HECTD4: variants seen among roughly 807,000 people sequenced by gnomAD.
HECTD4 encodes the protein HECT domain E3 ubiquitin protein ligase 4, also known as probable E3 ubiquitin-protein ligase HECTD4.
In HECTD4, 114 loss-of-function variants were observed where a neutral mutation model predicts 471.5. That is an observed-to-expected ratio of 0.24 (90% CI 0.21 to 0.28). The LOEUF is 0.28. Among genes scored for constraint, HECTD4 ranks in the 10% least tolerant of loss-of-function variants. The pLI is 1.00. For missense variants in HECTD4, 3,866 were observed against 5,651.5 expected (o/e 0.68, Z 10.13); for synonymous variants, 2,012 against 2,256.0 (o/e 0.89, Z 3.07).
At chr12:112,347,912 A>G (rs770527717) in intron 1 of HECTD4, among the ~76,000 whole-genome samples, 5 of 152,232 alleles carry the variant, frequency 3.3e-5, no homozygotes, top group Non-Finnish European at 7.3e-5. Flanking sequence ...GTAACAGGAC[A>G]ATATACAGAA....
rs144635545 is a variant in HECTD4, at chr12:112,310,351, A to G, written c.917-682T>C. Among the ~76,000 whole-genome samples the G allele has an allele frequency of 7.9e-5, 12 of 152,360 alleles. No individual in the cohort carries two copies. The East Asian group carries it at 1.7e-3, about 22-fold the overall frequency. On this transcript the variant is annotated intron_variant, in intron 4 of 75. Transcript: ENST00000682272. Reference sequence around the variant, plus strand: ...TTAGTCTCTGGAGGGACAAAGCACAAAAGTTTCATATCTTTTCTATTTTAA... The same window carrying G: ...TTAGTCTCTGGAGGGACAAAGCACAGAAGTTTCATATCTTTTCTATTTTAA...
chr12:112,201,052 C>G (rs2032414412), intron 54 of HECTD4: 1 of 549,970 alleles, frequency 1.8e-6, no homozygotes, highest in Admixed American at 2.3e-5. Flanking sequence ...ATGTGCTTTT[C>G]TAAGAAAATA....
Position 112,217,206 on chromosome 12 carries a change from G to A in HECTD4, c.7075-11C>T. On this transcript the variant is annotated splice_polypyrimidine_tract_variant and intron_variant, in intron 45 of 75. Transcript: ENST00000682272. ...AGTAATCTCTTTGGGCTGCATCAGG[G>A]AGAAAAACCCATATTCAGTAGAACT... 6.7e-7 allele frequency: 1 copy of A among 1,493,824 alleles called. No homozygotes were observed. Among genetic ancestry groups the A allele is most frequent in the Non-Finnish European group, 8.9e-7 (1 of 1,121,090 alleles). The allele number at this position is 1,493,824 out of a possible 1,614,324, so 92.5% of individuals were successfully genotyped here. A position where few individuals can be genotyped will look rare whatever the true frequency, so the allele number is the denominator to read the frequency against.
chr12:112,369,635 C>T (rs1235757236), intron 1 of HECTD4, among the ~76,000 whole-genome samples: 1 of 152,100 alleles, frequency 6.6e-6, no homozygotes, highest in African/African-American at 2.4e-5. Flanking sequence ...TGAGCCACCT[C>T]ACCCAGCCAA....
chr12:112,352,800 T>C (rs1476704418), intron 1 of HECTD4, among the ~76,000 whole-genome samples: 2 of 151,594 alleles, frequency 1.3e-5, no homozygotes. Context: ...AGAGACAGAG[T>C]CTCGCTATGT....
At position 112,264,114 on chromosome 12, in the gene HECTD4, G is replaced by C. The variant is rs777056333; in HGVS notation, c.2718C>G (p.Ser906Arg). 1 of 1,610,060 alleles carries C rather than the reference G, an allele frequency of 6.2e-7. No individual in the cohort carries two copies. Among genetic ancestry groups the C allele is most frequent in the Non-Finnish European group, 8.5e-7 (1 of 1,178,182 alleles). Reference protein sequence around the residue: ...IKPDENDDSDSSLQGETLKVQ... With the variant: ...IKPDENDDSDRSLQGETLKVQ... The stretch of plus-strand genomic sequence containing the variant: ...CCTTCAATGTCTCTCCCTGCAAGGA[G>C]CTGTCACTGTCATCATTCTCATCAG... The change falls in exon 17 of 76, where the codon AGC becomes AGG. Residue 906 changes from serine (S) to arginine (R), a missense_variant. Around this residue, in one of 16 missense-constraint regions of HECTD4, gnomAD observed 525 missense variants for 672.6 expected, o/e 0.78. Transcript: ENST00000682272.
At chr12:112,200,864 CGTGT>C (rs748581302) in intron 54 of HECTD4, 66 bp from the exon 55 acceptor site, 32,450 of 1,393,828 alleles carry the variant, frequency 0.023, 508 homozygotes, top group African/African-American at 0.047. Context: ...TGCGTGCGTG[CGTGT>C]GTGTGTGCGT....
In HECTD4 at chr12:112,319,553, T is replaced by C. The variant is rs1352372968; in HGVS notation, c.367A>G (p.Thr123Ala). 6.3e-6 allele frequency: 9 copies of C among 1,439,406 alleles called. No individual in the cohort carries two copies. The highest frequency in any genetic ancestry group is 8.2e-6 in the Non-Finnish European group (9 of 1,102,188). The allele number at this position is 1,439,406 out of a possible 1,614,324, so 89.2% of individuals were successfully genotyped here. A position where few individuals can be genotyped will look rare whatever the true frequency, so the allele number is the denominator to read the frequency against. ...HERESSGDEETLALLKRQGLL... is the reference protein window; with the variant it reads ...HERESSGDEEALALLKRQGLL... ...CCCTGGCGTTTGAGCAGGGCCAAAG[T>C]TTCCTCATCACCTGAACTTTCCCTT... Residue 123 changes from threonine (T) to alanine (A), a missense_variant, in exon 2 of 76, where the codon ACT becomes GCT. This residue lies in a region of HECTD4 where 440 missense variants were observed against 636.0 expected (regional missense o/e 0.69). Transcript: ENST00000682272. The surrounding 1 kb of genome is among the most constrained non-coding windows in gnomAD (Gnocchi z 5.3).
chr12:112,309,512 G>A lies in HECTD4; in HGVS notation c.1025+49C>T, dbSNP rs1420161566. On this transcript the variant is annotated intron_variant, in intron 5 of 75. Transcript: ENST00000682272. The stretch of plus-strand genomic sequence containing the variant: ...GTGTCTTCTTCAGAGATTTATGTAA[G>A]GAGGATAATGTTCTAGCCCAATCAT... The A allele has an allele frequency of 1.1e-5, 9 of 794,496 alleles. No homozygotes were observed. The East Asian group carries it at 2.4e-4, about 21-fold the overall frequency. The allele number at this position is 794,496 out of a possible 1,614,324, so 49.2% of individuals were successfully genotyped here.
intron 8 of HECTD4, among the ~76,000 whole-genome samples, chr12:112,279,741 T>C (rs2034595670): frequency 6.6e-6 from 1 of 152,160 alleles, no homozygotes; most frequent in African/African-American, 2.4e-5. Flanking sequence ...GTGTTTCCCC[T>C]AGAAAACTGA....
Position 112,179,259 on chromosome 12 carries a change from T to G in HECTD4, c.11126A>C (p.Asn3709Thr). The G allele has an allele frequency of 6.2e-7, 1 of 1,613,548 alleles. No homozygotes were observed. The highest frequency in any genetic ancestry group is 8.5e-7 in the Non-Finnish European group (1 of 1,179,738). The change falls in exon 63 of 76, where the codon AAC (asparagine) becomes ACC (threonine). Residue 3709 changes from asparagine (N) to threonine (T), a missense_variant. Asn to Thr is a moderately conservative substitution (Grantham distance 65, BLOSUM62 0). Coordinates refer to ENST00000682272, the MANE Select transcript of HECTD4 (RefSeq NM_001388303.1). The surrounding 1 kb of genome is among the most constrained non-coding windows in gnomAD (Gnocchi z 4.3). ...SDIYLSKEQI[N>T]SQTPGNLLHL... Reference sequence around the variant, plus strand: ...GAGGAGGTTGCCTGGGGTCTGGGAGTTGATCTGCTCTTTGCTAAGATAAAT... The same window carrying G: ...GAGGAGGTTGCCTGGGGTCTGGGAGGTGATCTGCTCTTTGCTAAGATAAAT...
intron 29 of HECTD4, among the ~76,000 whole-genome samples, chr12:112,246,366 G>C (rs2033761381): frequency 6.6e-6 from 1 of 152,070 alleles, no homozygotes; most frequent in Non-Finnish European, 1.5e-5. Context: ...GGGCGCAGTG[G>C]CTCACACCTG....
intron 4 of HECTD4, among the ~76,000 whole-genome samples, chr12:112,312,060 G>A (rs1378103950): frequency 6.6e-6 from 1 of 152,138 alleles, no homozygotes; most frequent in Non-Finnish European, 1.5e-5. Context: ...ATTCTCCTCC[G>A]TGCTGGTGGG....
At position 112,235,630 on chromosome 12, in the gene HECTD4, T is replaced by C. The variant is rs1373096658; in HGVS notation, c.5599A>G (p.Asn1867Asp). The C allele has an allele frequency of 6.2e-7, 1 of 1,614,012 alleles. No homozygotes were observed. The highest frequency in any genetic ancestry group is 1.3e-5 in the African/African-American group (1 of 75,046). ...LPLMSVEDCG[N>D]VELPPWSYSV... The stretch of plus-strand genomic sequence containing the variant: ...TAGCTCCAGGGTGGGAGCTCCACGT[T>C]TCCACAGTCTTCTACGCTCATCAGG... The change falls in exon 36 of 76, where the codon AAC (asparagine) becomes GAC (aspartate). Residue 1867 changes from asparagine to aspartate, a missense_variant. This residue lies in a region of HECTD4 where 617 missense variants were observed against 915.1 expected (regional missense o/e 0.67). Transcript: ENST00000682272. The surrounding 1 kb of genome is among the most constrained non-coding windows in gnomAD (Gnocchi z 5.0).
chr12:112,200,196 C>T (rs1165215504), intron 55 of HECTD4, among the ~76,000 whole-genome samples: 3 of 151,620 alleles, frequency 2.0e-5, no homozygotes, highest in East Asian at 1.9e-4. Flanking sequence ...CTTTGTCACC[C>T]GGGTTGGAGT....
At chr12:112,279,454 G>A in intron 8 of HECTD4, 68 bp from the exon 9 acceptor site, 1 of 1,362,738 alleles carries the variant, frequency 7.3e-7, no homozygotes, top group Middle Eastern at 2.1e-4. Context: ...TACCAACACA[G>A]ATTAGGATAT....
chr12:112,351,280 G>A (rs1025206558), intron 1 of HECTD4, among the ~76,000 whole-genome samples: 3 of 152,192 alleles, frequency 2.0e-5, no homozygotes, highest in Admixed American at 1.3e-4. Flanking sequence ...GCACAAAGGA[G>A]ACAAGGAGAC....
At chr12:112,266,777 T>G in intron 14 of HECTD4, 135 bp downstream of exon 14, 1 of 658,104 alleles carries the variant, frequency 1.5e-6, no homozygotes, top group South Asian at 1.7e-5. Context: ...CCACCGTGCC[T>G]GGCCTGCAGA....
At chr12:112,269,289 A>G (rs1178462591) in intron 13 of HECTD4, among the ~76,000 whole-genome samples, 1 of 152,188 alleles carries the variant, frequency 6.6e-6, no homozygotes, top group Non-Finnish European at 1.5e-5. Context: ...TTTTATGCCC[A>G]TCTTACAGCT....
Sources: allele counts gnomAD v4.1 joint callset (sites outside exome capture counted in the v4.1 genomes callset), GRCh38; gene constraint gnomAD v4.1.1; regional missense constraint gnomAD v4.1.1; non-coding constraint Gnocchi (gnomAD v3.1); transcripts MANE v1.5; gene names NCBI Gene and HGNC (gene_info 2026-07-23, HGNC 2026-07-21).